Variants in CCSER1 observed in about 807,000 individuals in gnomAD.
CCSER1 encodes coiled-coil serine rich protein 1.
Under a neutral mutation model 82.0 loss-of-function variants are expected in CCSER1, and 41 were observed. The observed-to-expected ratio is 0.50, with a 90% CI of 0.39 to 0.65. The LOEUF (loss-of-function observed/expected upper bound fraction) is 0.65. Ranked by LOEUF, CCSER1 falls within the 30% of genes least tolerant of loss-of-function variation. The probability of loss-of-function intolerance (pLI) is 0.00; values close to 1 mark genes in which losing one functional copy is unlikely to be tolerated. For synonymous variants in CCSER1, 414 were observed against 383.9 expected, an observed-to-expected ratio of 1.08 and a Z score of -0.92; for missense variants, 1,119 against 1,064.2, an observed-to-expected ratio of 1.05 and a Z score of -0.72.
At chr4:90,539,508 C>A (rs913691941) in intron 5 of CCSER1, among the ~76,000 whole-genome samples, 2 of 152,028 alleles carry the variant, frequency 1.3e-5, no homozygotes, top group South Asian at 2.1e-4. Flanking sequence ...GCTCTTGTGG[C>A]AATTACACGT....
chr4:90,641,686 G>A (rs1726550278), intron 6 of CCSER1, among the ~76,000 whole-genome samples: 1 of 152,052 alleles, frequency 6.6e-6, no homozygotes, highest in African/African-American at 2.4e-5. Context: ...AAATGCAAGT[G>A]GAGCAGGATC....
intron 1 of CCSER1, among the ~76,000 whole-genome samples, chr4:90,272,472 A>T (rs982366983): frequency 6.6e-6 from 1 of 152,168 alleles, no homozygotes. Context: ...ATGTAAATTA[A>T]TACAACCACT....
chr4:91,304,542 G>C (rs1319035252), intron 10 of CCSER1, among the ~76,000 whole-genome samples: 1 of 151,976 alleles, frequency 6.6e-6, no homozygotes, highest in Non-Finnish European at 1.5e-5. Context: ...CCCAATATTA[G>C]TTCCAGGACT....
chr4:90,183,877 G>A (rs983458948), intron 1 of CCSER1, among the ~76,000 whole-genome samples: 1 of 152,028 alleles, frequency 6.6e-6, no homozygotes, highest in Non-Finnish European at 1.5e-5. Flanking sequence ...GTTTCATTTA[G>A]ATTTTATCTA....
At chr4:91,598,497 AT>A in intron 10 of CCSER1, 74 bp from the exon 11 acceptor site, 1 of 1,391,140 alleles carries the variant, frequency 7.2e-7, no homozygotes, top group Non-Finnish European at 9.6e-7. Flanking sequence ...AAATGTATAA[AT>A]ATCACTCTGT....
At chr4:91,265,115 T>C (rs1174562000) in intron 10 of CCSER1, among the ~76,000 whole-genome samples, 1 of 152,016 alleles carries the variant, frequency 6.6e-6, no homozygotes, top group Non-Finnish European at 1.5e-5. Context: ...GAATTTTCAA[T>C]AGCCAATGAC....
intron 10 of CCSER1, among the ~76,000 whole-genome samples, chr4:91,330,815 T>C (rs1221759568): frequency 1.3e-5 from 2 of 152,172 alleles, no homozygotes; most frequent in Non-Finnish European, 2.9e-5. Context: ...TTTTCACGGT[T>C]TAAGTTATCT....
intron 10 of CCSER1, among the ~76,000 whole-genome samples, chr4:91,225,613 A>C (rs576727838): frequency 3.3e-5 from 5 of 151,650 alleles, no homozygotes; most frequent in African/African-American, 7.3e-5. Context: ...AAATATTGTT[A>C]AGAACCCACA....
intron 10 of CCSER1, among the ~76,000 whole-genome samples, chr4:91,340,648 T>C (rs1747661732): frequency 6.6e-6 from 1 of 152,204 alleles, no homozygotes; most frequent in South Asian, 2.1e-4. Context: ...TATCATACTT[T>C]GATAATATAT....
At chr4:90,890,929 T>C (rs1722867395) in intron 8 of CCSER1, among the ~76,000 whole-genome samples, 1 of 152,086 alleles carries the variant, frequency 6.6e-6, no homozygotes, top group African/African-American at 2.4e-5. Context: ...TCTACTATAA[T>C]CTGTATGAGT....
intron 5 of CCSER1, among the ~76,000 whole-genome samples, chr4:90,560,002 AC>A (rs1241508575): frequency 2.0e-5 from 3 of 151,924 alleles, no homozygotes; most frequent in African/African-American, 7.3e-5. Flanking sequence ...AAAAGGACTG[AC>A]AGCTGAAGCT....
chr4:91,489,935 A>G (rs1758425079), intron 10 of CCSER1, among the ~76,000 whole-genome samples: 1 of 152,210 alleles, frequency 6.6e-6, no homozygotes, highest in South Asian at 2.1e-4. Context: ...TAGGCAAAAG[A>G]TATGAATAGA....
chr4:91,542,800 TG>T (rs570622683), intron 10 of CCSER1, among the ~76,000 whole-genome samples: 18 of 152,334 alleles, frequency 1.2e-4, no homozygotes, highest in African/African-American at 3.4e-4. Flanking sequence ...TGGAGAGTTC[TG>T]TAGATGTCTA....
chr4:91,312,239 A>G (rs72670942), intron 10 of CCSER1, among the ~76,000 whole-genome samples: 1 of 151,908 alleles, frequency 6.6e-6, no homozygotes, highest in Non-Finnish European at 1.5e-5. Context: ...GAGTTATAAT[A>G]TATAAGATAA....
chr4:90,199,201 T>C (rs569064568), intron 1 of CCSER1, among the ~76,000 whole-genome samples: 34 of 152,302 alleles, frequency 2.2e-4, no homozygotes, highest in African/African-American at 7.9e-4. Flanking sequence ...ATACTTTAAA[T>C]ACTTTTAAAA....
chr4:90,283,916 C>T (rs1729348076), intron 1 of CCSER1, among the ~76,000 whole-genome samples: 1 of 152,018 alleles, frequency 6.6e-6, no homozygotes, highest in African/African-American at 2.4e-5. Flanking sequence ...ATATTCTCCA[C>T]AGTAGCTATA....
chr4:91,392,789 G>A (rs1751742893), intron 10 of CCSER1, among the ~76,000 whole-genome samples: 1 of 152,078 alleles, frequency 6.6e-6, no homozygotes, highest in Non-Finnish European at 1.5e-5. Flanking sequence ...TATTCCAAAA[G>A]TCACCATGGT....
At chr4:91,369,976 A>C (rs183572974) in intron 10 of CCSER1, among the ~76,000 whole-genome samples, 1 of 151,892 alleles carries the variant, frequency 6.6e-6, no homozygotes, top group African/African-American at 2.4e-5. Flanking sequence ...CACTGTGCCC[A>C]GCCAGTCAGT....
intron 8 of CCSER1, among the ~76,000 whole-genome samples, chr4:90,861,206 T>C (rs1561263909): frequency 1.3e-5 from 2 of 151,804 alleles, no homozygotes; most frequent in Non-Finnish European, 1.5e-5. Flanking sequence ...CTGAGTTTTC[T>C]GGATTTAAAA....
Sources: gnomAD v4.1 joint callset for allele counts (sites outside exome capture counted in the v4.1 genomes callset) on GRCh38, gnomAD v4.1.1 for gene constraint, MANE v1.5 for transcripts, NCBI Gene and HGNC (gene_info 2026-07-23, HGNC 2026-07-21) for gene names.